CDH7: variants seen among roughly 807,000 people sequenced by gnomAD.
CDH7 encodes the protein cadherin 7, also known as cadherin-7.
A neutral mutation model predicts 71.8 loss-of-function variants in CDH7; 25 were observed. That is an observed-to-expected ratio of 0.35 (90% CI 0.25 to 0.49). The LOEUF (loss-of-function observed/expected upper bound fraction) is 0.49, where lower values mean the gene tolerates loss of function less well. CDH7 is among the 20% of genes least tolerant of loss of function. The probability of loss-of-function intolerance (pLI) is 0.99; values close to 1 mark genes in which losing one functional copy is unlikely to be tolerated. For synonymous variants in CDH7, 381 were observed against 363.8 expected (o/e 1.05, Z -0.54); for missense variants, 862 against 974.6 (o/e 0.88, Z 1.54).
intron 7 of CDH7, 80 bp downstream of exon 7, chr18:65,844,145 G>A: frequency 2.1e-6 from 2 of 963,760 alleles, no homozygotes; most frequent in Admixed American, 4.7e-5. Context: ...ACGCTCTGAT[G>A]TTCCTTTGTT....
chr18:65,871,693 T>C (rs1262545285), intron 11 of CDH7, among the ~76,000 whole-genome samples: 1 of 152,134 alleles, frequency 6.6e-6, no homozygotes, highest in Non-Finnish European at 1.5e-5. Flanking sequence ...GAGATTAAAC[T>C]TAGAAATTTT....
At chr18:65,854,748 T>C (rs547697855) in intron 7 of CDH7, among the ~76,000 whole-genome samples, 14 of 152,148 alleles carry the variant, frequency 9.2e-5, no homozygotes, top group Non-Finnish European at 2.1e-4. Context: ...GGTTTTAATA[T>C]TGGCTTAATT....
intron 2 of CDH7, among the ~76,000 whole-genome samples, chr18:65,801,144 G>T (rs1172109136): frequency 6.6e-6 from 1 of 152,048 alleles, no homozygotes; most frequent in South Asian, 2.1e-4. Context: ...GCTCCCTCTT[G>T]TTACCCCTTC....
At chr18:65,864,947 G>A (rs1026390297) in intron 11 of CDH7, among the ~76,000 whole-genome samples, 1 of 150,822 alleles carries the variant, frequency 6.6e-6, no homozygotes, top group African/African-American at 2.4e-5. Flanking sequence ...TTAGCTTGAA[G>A]GCACAGAATG....
intron 2 of CDH7, among the ~76,000 whole-genome samples, chr18:65,799,575 C>CT (rs1256218248): frequency 6.6e-6 from 1 of 151,952 alleles, no homozygotes; most frequent in Non-Finnish European, 1.5e-5. Flanking sequence ...ACTCGGGAGG[C>CT]TGAGGCAGGA....
intron 2 of CDH7, among the ~76,000 whole-genome samples, chr18:65,775,343 C>T (rs1283541203): frequency 6.6e-6 from 1 of 152,084 alleles, no homozygotes; most frequent in Non-Finnish European, 1.5e-5. Flanking sequence ...ATGGGTTTAA[C>T]AATAGGTCTC....
chr18:65,798,353 A>G (rs1910992183), intron 2 of CDH7, among the ~76,000 whole-genome samples: 1 of 152,228 alleles, frequency 6.6e-6, no homozygotes, highest in Non-Finnish European at 1.5e-5. Context: ...ATCAGCAAGT[A>G]CACATCTCTC....
intron 6 of CDH7, among the ~76,000 whole-genome samples, chr18:65,840,037 A>G (rs1156882669): frequency 6.6e-6 from 1 of 152,208 alleles, no homozygotes; most frequent in Non-Finnish European, 1.5e-5. Flanking sequence ...AAAAATTATT[A>G]TTTGCAAACA....
chr18:65,824,356 T>G (rs1003733948), intron 5 of CDH7, among the ~76,000 whole-genome samples: 1 of 151,854 alleles, frequency 6.6e-6, no homozygotes, highest in African/African-American at 2.4e-5. Flanking sequence ...TTTATTTTTA[T>G]TTTTCAGTGT....
intron 11 of CDH7, among the ~76,000 whole-genome samples, chr18:65,867,035 A>G (rs1007836188): frequency 2.2e-5 from 3 of 134,206 alleles, no homozygotes; most frequent in Non-Finnish European, 3.1e-5. Context: ...GGTATTCTAA[A>G]TTTTTTTTTT....
At chr18:65,835,164 C>T (rs1912490712) in intron 6 of CDH7, among the ~76,000 whole-genome samples, 1 of 152,112 alleles carries the variant, frequency 6.6e-6, no homozygotes, top group Non-Finnish European at 1.5e-5. Flanking sequence ...ATGGTAAGAA[C>T]AGAGGTTGTA....
chr18:65,807,449 T>TAAA (rs1911365347), intron 2 of CDH7, among the ~76,000 whole-genome samples: 7 of 152,208 alleles, frequency 4.6e-5, no homozygotes, highest in Admixed American at 1.3e-4. Context: ...ATGAAAGTCG[T>TAAA]TAATGTGATT....
chr18:65,846,936 C>T (rs1470546343), intron 7 of CDH7, among the ~76,000 whole-genome samples: 1 of 152,170 alleles, frequency 6.6e-6, no homozygotes, highest in Non-Finnish European at 1.5e-5. Flanking sequence ...TGTTTCCATG[C>T]CATTTTAATT....
intron 2 of CDH7, among the ~76,000 whole-genome samples, chr18:65,772,629 A>G (rs1916579925): frequency 2.0e-5 from 3 of 152,198 alleles, no homozygotes; most frequent in Admixed American, 2.0e-4. Context: ...AAGGCTTATA[A>G]TGAAACATAG....
In CDH7 at chr18:65,862,701, T is replaced by A; in HGVS notation, c.1648T>A (p.Phe550Ile). The A allele has an allele frequency of 6.2e-7, 1 of 1,614,190 alleles. No individual in the cohort carries two copies. The highest frequency in any genetic ancestry group is 8.5e-7 in the Non-Finnish European group (1 of 1,180,018). ...CTCAATACTGACCAGGAGAAACGGC[T>A]TCCGGAGACAGGAACAATCAGTTTA... ...TASILTRRNG[F>I]RRQEQSVYYL... The change falls in exon 11 of 12, where the codon TTC becomes ATC. Residue 550 changes from phenylalanine to isoleucine, a missense_variant. Transcript: ENST00000397968.
At chr18:65,841,806 A>G (rs1372958863) in intron 6 of CDH7, among the ~76,000 whole-genome samples, 1 of 152,094 alleles carries the variant, frequency 6.6e-6, no homozygotes, top group Non-Finnish European at 1.5e-5. Context: ...AAGGGGCCAC[A>G]CATATTTTAG....
intron 7 of CDH7, among the ~76,000 whole-genome samples, chr18:65,847,498 T>G (rs1912973994): frequency 6.6e-6 from 1 of 152,148 alleles, no homozygotes; most frequent in Non-Finnish European, 1.5e-5. Context: ...TCTAGAAAAA[T>G]ATACATTTAG....
At chr18:65,782,110 CTTT>C (rs770609142) in intron 2 of CDH7, among the ~76,000 whole-genome samples, 1,137 of 31,924 alleles carry the variant, frequency 0.036, 30 homozygotes, top group Middle Eastern at 0.056. Flanking sequence ...TTCCTTCCTT[CTTT>C]CTTTCTTTCT....
chr18:65,819,124 T>C (rs1031195992), intron 4 of CDH7, among the ~76,000 whole-genome samples: 1 of 152,232 alleles, frequency 6.6e-6, no homozygotes, highest in South Asian at 2.1e-4. Flanking sequence ...ACCAGTGCCA[T>C]GACAGTTTAT....
Sources: gnomAD v4.1 joint callset for allele counts (sites outside exome capture counted in the v4.1 genomes callset) on GRCh38, gnomAD v4.1.1 for gene constraint, MANE v1.5 for transcripts, NCBI Gene and HGNC (gene_info 2026-07-23, HGNC 2026-07-21) for gene names.